Variants in CDH13 observed in about 807,000 individuals in gnomAD.
CDH13 encodes the protein cadherin 13.
Under a neutral mutation model 63.8 loss-of-function variants are expected in CDH13, and 24 were observed. That is an observed-to-expected ratio of 0.38 (90% CI 0.27 to 0.53). CDH13 has a LOEUF of 0.53. CDH13 is among the 20% of genes least tolerant of loss of function. The pLI is 0.85. For synonymous variants in CDH13, 503 were observed against 355.3 expected, an observed-to-expected ratio of 1.42 and a Z score of -4.67; for missense variants, 1,049 against 903.1, an observed-to-expected ratio of 1.16 and a Z score of -2.07.
intron 2 of CDH13, chr16:82,884,282 C>A: frequency 2.2e-6 from 1 of 449,648 alleles, no homozygotes; most frequent in South Asian, 1.6e-5. Context: ...ATGGGTTTGT[C>A]AGTCAGCAGA....
At chr16:82,842,330 C>T (rs2039070118) in intron 1 of CDH13, among the ~76,000 whole-genome samples, 1 of 151,510 alleles carries the variant, frequency 6.6e-6, no homozygotes, top group Admixed American at 6.6e-5. Context: ...CCAGTAGCTG[C>T]ACCGAAGAGA....
chr16:83,362,853 T>C (rs973459225), intron 6 of CDH13, among the ~76,000 whole-genome samples: 1 of 152,188 alleles, frequency 6.6e-6, no homozygotes, highest in East Asian at 1.9e-4. Flanking sequence ...ATAGGAAATG[T>C]TGATTTTATT....
chr16:83,044,112 C>A (rs1372714948), intron 3 of CDH13, among the ~76,000 whole-genome samples: 1 of 152,160 alleles, frequency 6.6e-6, no homozygotes, highest in South Asian at 2.1e-4. Context: ...GGCCTTAGAG[C>A]CCCTCACACA....
chr16:83,671,382 G>A (rs1350146156), intron 9 of CDH13, among the ~76,000 whole-genome samples: 1 of 152,040 alleles, frequency 6.6e-6, no homozygotes, highest in Non-Finnish European at 1.5e-5. Flanking sequence ...CTGAGTAGCT[G>A]GGATTACAGC....
At chr16:83,162,754 G>A (rs1051106462) in intron 4 of CDH13, among the ~76,000 whole-genome samples, 1 of 152,088 alleles carries the variant, frequency 6.6e-6, no homozygotes, top group African/African-American at 2.4e-5. Context: ...ATAGGCCTGA[G>A]ATTAGTCCAA....
intron 1 of CDH13, among the ~76,000 whole-genome samples, chr16:82,789,805 T>G (rs952379915): frequency 9.9e-5 from 15 of 152,154 alleles, no homozygotes; most frequent in Admixed American, 3.9e-4. Flanking sequence ...AGAGCCTTCA[T>G]GTCTCAGGTC....
intron 3 of CDH13, among the ~76,000 whole-genome samples, chr16:83,123,845 T>C (rs1297449211): frequency 6.6e-6 from 1 of 152,200 alleles, no homozygotes; most frequent in Non-Finnish European, 1.5e-5. Context: ...CATTCTTTTT[T>C]CTCTTCAGCC....
intron 2 of CDH13, among the ~76,000 whole-genome samples, chr16:82,989,808 G>A (rs530040423): frequency 3.3e-5 from 5 of 152,128 alleles, no homozygotes; most frequent in Non-Finnish European, 5.9e-5. Context: ...TGTGATTTAC[G>A]TTTAGATGTT....
In CDH13 at chr16:82,963,135, C is replaced by G. The variant is rs143144009; in HGVS notation, c.158-68875C>G. On this transcript the variant is annotated intron_variant, in intron 2 of 13. Transcript: ENST00000567109. ...CCTGTAATCCCAGCAGTTTGGGAGG[C>G]TGAGGCGGGCAGATCACCTGAGGTC... Among the ~76,000 whole-genome samples the G allele has an allele frequency of 4.6e-3, 698 of 151,816 alleles. 6 individuals carry two copies. Among genetic ancestry groups the G allele is most frequent in the African/African-American group, 0.016 (661 of 41,360 alleles).
intron 10 of CDH13, chr16:83,721,533 T>C (rs1033712235): frequency 6.6e-6 from 1 of 152,206 alleles, no homozygotes; most frequent in African/African-American, 2.4e-5. Flanking sequence ...AAGACAGGCA[T>C]GTTTTGCTCT....
intron 10 of CDH13, among the ~76,000 whole-genome samples, chr16:83,679,808 G>A (rs1179132447): frequency 2.6e-5 from 4 of 152,228 alleles, no homozygotes; most frequent in Admixed American, 1.3e-4. Flanking sequence ...GGAGGTGAAA[G>A]CAGGGACCCT....
chr16:83,484,150 G>A (rs2073834628), intron 6 of CDH13, among the ~76,000 whole-genome samples: 1 of 152,162 alleles, frequency 6.6e-6, no homozygotes, highest in Non-Finnish European at 1.5e-5. Context: ...TGATCAATCA[G>A]GCCTAATGAC....
intron 1 of CDH13, among the ~76,000 whole-genome samples, chr16:82,694,731 C>T (rs573899787): frequency 6.6e-5 from 10 of 152,282 alleles, no homozygotes; most frequent in South Asian, 2.1e-4. Context: ...TATGATTCAC[C>T]CAATCACTCA....
At chr16:83,792,386 A>T (rs1313414346) in intron 13 of CDH13, among the ~76,000 whole-genome samples, 2 of 152,220 alleles carry the variant, frequency 1.3e-5, no homozygotes, top group Non-Finnish European at 2.9e-5. Context: ...ATTGACTTAA[A>T]ACAGGAATTT....
At chr16:82,927,809 A>G (rs542543928) in intron 2 of CDH13, among the ~76,000 whole-genome samples, 1 of 152,350 alleles carries the variant, frequency 6.6e-6, no homozygotes, top group East Asian at 1.9e-4. Flanking sequence ...CCGATCATCA[A>G]CAATGTACTT....
intron 4 of CDH13, among the ~76,000 whole-genome samples, chr16:83,179,791 G>C (rs1389535426): frequency 6.6e-6 from 1 of 151,954 alleles, no homozygotes; most frequent in Non-Finnish European, 1.5e-5. Flanking sequence ...CCTAGATTTA[G>C]GATAAAATAC....
At chr16:83,430,900 C>T (rs1479467123) in intron 6 of CDH13, among the ~76,000 whole-genome samples, 3 of 151,876 alleles carry the variant, frequency 2.0e-5, no homozygotes, top group Non-Finnish European at 4.4e-5. Flanking sequence ...ATGTGCCACA[C>T]TGGTGTGCTG....
chr16:83,131,883 A>G (rs942134979), intron 4 of CDH13, among the ~76,000 whole-genome samples: 11 of 152,214 alleles, frequency 7.2e-5, no homozygotes, highest in African/African-American at 2.4e-4. Context: ...GGGAATCAAC[A>G]TTGATCATTA....
At chr16:82,847,355 G>A (rs980090300) in intron 1 of CDH13, among the ~76,000 whole-genome samples, 11 of 152,190 alleles carry the variant, frequency 7.2e-5, no homozygotes, top group African/African-American at 2.2e-4. Context: ...CTTTTCTGGA[G>A]TCTCATGGGG....
Sources: allele counts gnomAD v4.1 joint callset (sites outside exome capture counted in the v4.1 genomes callset), GRCh38; gene constraint gnomAD v4.1.1; transcripts MANE v1.5; gene names NCBI Gene and HGNC (gene_info 2026-07-23, HGNC 2026-07-21).